The following FGF13 variants were observed in gnomAD, a reference collection of about 807,000 sequenced individuals.
FGF13 encodes the protein fibroblast growth factor homologous factor 2.
FGF13 carries 2 observed loss-of-function variants against 19.5 expected under a neutral mutation model. The observed-to-expected ratio is 0.10, with a 90% CI of 0.04 to 0.32. FGF13 has a LOEUF of 0.32. Ranked by LOEUF, FGF13 falls within the 10% of genes least tolerant of loss-of-function variation. FGF13 has a pLI of 1.00. For missense variants in FGF13, 113 were observed against 192.7 expected, an observed-to-expected ratio of 0.59 and a Z score of 2.45; for synonymous variants, 72 against 76.9, an observed-to-expected ratio of 0.94 and a Z score of 0.33.
Position 139,064,281 on chromosome X carries a change from C to CTTTTT in FGF13, c.-113+139130_-113+139134dup, listed in dbSNP as rs139084376. Among the ~76,000 whole-genome samples, 19 of 23,159 alleles carry CTTTTT rather than the reference C, an allele frequency of 8.2e-4. 1 individual carries two copies. Among genetic ancestry groups the CTTTTT allele is most frequent in the East Asian group, 1.3e-3 (1 of 741 alleles). The allele number at this position is 23,159 out of a possible 115,157, so 20.1% of individuals were successfully genotyped here. On this transcript the variant is annotated intron_variant, in intron 1 of 2. Transcript: ENST00000421460. ...GCATAGAGCAGAGTTCTTTTTTTTT[C>CTTTTT]TTTTTTTTTTTTTTTTTTTTTTTTT...
At chrX:138,853,620 C>CGTGTGT (rs34651876), downstream of FGF13, among the ~76,000 whole-genome samples, 938 of 99,899 alleles carry the variant, frequency 9.4e-3, 12 homozygotes, top group African/African-American at 0.031. Flanking sequence ...TGTGCGTGTG[C>CGTGTGT]GTGTGTGTGT....
intron 1 of FGF13, among the ~76,000 whole-genome samples, chrX:139,144,787 T>TG (rs1239853934): frequency 1.8e-5 from 2 of 111,200 alleles, no homozygotes; most frequent in Non-Finnish European, 3.8e-5. Context: ...GGTGATTTCT[T>TG]GGGGGAAAAA....
intron 1 of FGF13, among the ~76,000 whole-genome samples, chrX:138,900,956 G>T (rs1028136478): frequency 9.0e-6 from 1 of 111,616 alleles, no homozygotes; most frequent in African/African-American, 3.3e-5. Flanking sequence ...TATCATTTGG[G>T]TCTCATTCTT....
intron 1 of FGF13, among the ~76,000 whole-genome samples, chrX:139,177,954 C>CT (rs2084203554): frequency 8.9e-6 from 1 of 111,987 alleles, no homozygotes; most frequent in South Asian, 3.7e-4. Context: ...AGCACAGTCC[C>CT]TCATGGGGAG....
intron 1 of FGF13, among the ~76,000 whole-genome samples, chrX:138,929,901 T>C (rs931510575): frequency 4.1e-5 from 4 of 96,753 alleles, no homozygotes; most frequent in Non-Finnish European, 8.3e-5. Context: ...TGTGTGTGTG[T>C]GCTTGATATC....
intron 1 of FGF13, among the ~76,000 whole-genome samples, chrX:138,953,190 A>G (rs1220659823): frequency 9.0e-6 from 1 of 111,058 alleles, no homozygotes; most frequent in Non-Finnish European, 1.9e-5. Context: ...AATGTCCAAC[A>G]ATGATAGACT....
intron 3 of FGF13, among the ~76,000 whole-genome samples, chrX:138,788,947 G>A (rs1471638881): frequency 2.7e-5 from 3 of 111,542 alleles, no homozygotes; most frequent in Non-Finnish European, 3.8e-5. Context: ...GTGTAGAAAT[G>A]TGCTCAGCTA....
chrX:138,901,149 G>T (rs2091529998), intron 1 of FGF13, among the ~76,000 whole-genome samples: 1 of 112,074 alleles, frequency 8.9e-6, no homozygotes, highest in African/African-American at 3.2e-5. Flanking sequence ...TGTGGTCTGT[G>T]CACTGCTGTA....
chrX:138,939,473 T>C (rs1366435738), intron 1 of FGF13, among the ~76,000 whole-genome samples: 3 of 111,799 alleles, frequency 2.7e-5, no homozygotes, highest in South Asian at 3.8e-4. Context: ...ATTATACAGG[T>C]AAACTGTGTG....
chrX:138,795,858 T>C (rs1015464344), intron 3 of FGF13, among the ~76,000 whole-genome samples: 1 of 111,297 alleles, frequency 9.0e-6, no homozygotes, highest in African/African-American at 3.3e-5. Context: ...AAATTAAAGT[T>C]GAATCACTTT....
rs979030140 is a variant in FGF13, at chrX:138,736,437, G to C, written c.28+2805C>G. Among the ~76,000 whole-genome samples the C allele has an allele frequency of 6.3e-5, 7 of 110,926 alleles. No homozygotes were observed. In the East Asian group the frequency reaches 8.6e-4, roughly 14 times the overall value. On this transcript the variant is annotated intron_variant, in intron 1 of 4. Coordinates refer to the FGF13 transcript ENST00000305414. Reference sequence around the variant, plus strand: ...TCTAGTGGTCTATACAGCCATTTTGGGCATATACAGTTACTCAACAAAAAC... The same window carrying C: ...TCTAGTGGTCTATACAGCCATTTTGCGCATATACAGTTACTCAACAAAAAC...
chrX:138,877,303 T>A (rs1025098117), intron 1 of FGF13, among the ~76,000 whole-genome samples: 6 of 111,779 alleles, frequency 5.4e-5, no homozygotes, highest in Non-Finnish European at 1.1e-4. Context: ...TTTTTATTCA[T>A]AGAAGGGACA....
intron 3 of FGF13, among the ~76,000 whole-genome samples, chrX:138,695,083 T>C (rs904995035): frequency 4.6e-5 from 5 of 108,708 alleles, no homozygotes; most frequent in African/African-American, 1.7e-4. Flanking sequence ...AACACCTTGA[T>C]TTTATCATCA....
At chrX:138,916,323 G>T (rs934265588) in intron 1 of FGF13, among the ~76,000 whole-genome samples, 1 of 111,488 alleles carries the variant, frequency 9.0e-6, no homozygotes, top group African/African-American at 3.3e-5. Context: ...CAATTGATTG[G>T]AGTTGACAAG....
At chrX:138,953,881 T>C (rs906188646) in intron 1 of FGF13, among the ~76,000 whole-genome samples, 3 of 109,100 alleles carry the variant, frequency 2.7e-5, no homozygotes, top group African/African-American at 1.0e-4. Flanking sequence ...CTAACCAACA[T>C]GTGGTAAAAA....
chrX:139,008,482 G>A (rs2092113987), intron 1 of FGF13, among the ~76,000 whole-genome samples: 2 of 112,402 alleles, frequency 1.8e-5, no homozygotes, highest in African/African-American at 6.5e-5. Flanking sequence ...AGCAGGTGCT[G>A]TTATCTACAG....
At chrX:139,063,584 T>C (rs1244240834) in intron 1 of FGF13, among the ~76,000 whole-genome samples, 1 of 111,475 alleles carries the variant, frequency 9.0e-6, no homozygotes, top group Non-Finnish European at 1.9e-5. Context: ...GGTGGCTTAA[T>C]GTTTATTTTT....
At chrX:138,984,533 G>C (rs867235673) in intron 1 of FGF13, among the ~76,000 whole-genome samples, 2,757 of 24,436 alleles carry the variant, frequency 0.11, 599 homozygotes, top group African/African-American at 0.14. Context: ...GGAAGAAGAA[G>C]AAGAAGAAGA....
At chrX:139,160,018 C>T (rs1324249813) in intron 1 of FGF13, among the ~76,000 whole-genome samples, 2 of 111,811 alleles carry the variant, frequency 1.8e-5, no homozygotes, top group Admixed American at 1.9e-4. Context: ...ACTCTCCACC[C>T]CAAATCAACA....
Sources: gnomAD v4.1 joint callset for allele counts (sites outside exome capture counted in the v4.1 genomes callset) on GRCh38, gnomAD v4.1.1 for gene constraint, MANE v1.5 for transcripts, NCBI Gene and HGNC (gene_info 2026-07-23, HGNC 2026-07-21) for gene names.